The following PLA2G7 variants were observed in gnomAD, a reference collection of about 807,000 sequenced individuals.
PLA2G7 encodes platelet-activating factor acetylhydrolase.
Under a neutral mutation model 49.6 loss-of-function variants are expected in PLA2G7, and 63 were observed. The observed-to-expected ratio is 1.27, with a 90% CI of 1.04 to 1.57. The LOEUF is 1.57. Among genes scored for constraint, PLA2G7 ranks in the 40% most tolerant of loss-of-function variants. The probability of loss-of-function intolerance (pLI) is 0.00; values close to 1 mark genes in which losing one functional copy is unlikely to be tolerated. For missense variants in PLA2G7, 596 were observed against 521.2 expected (o/e 1.14, Z -1.40); for synonymous variants, 193 against 169.9 (o/e 1.14, Z -1.06).
rs541792153 is a variant in PLA2G7 at position 46,715,114 on chromosome 6, C to T, written c.377-561G>A. On this transcript the variant is annotated intron_variant, in intron 4 of 11. Transcript: ENST00000274793. ...CTGGACTTAAGGTGAGAGATTTTCC[C>T]ACTTATAGGTGTATTCATAAAGGCT... Among the ~76,000 whole-genome samples, 30 of 152,282 alleles carry T rather than the reference C, an allele frequency of 2.0e-4. No individual in the cohort carries two copies. The South Asian group carries it at 2.5e-3, about 13-fold the overall frequency.
chr6:46,707,039 T>A (rs536270892), intron 10 of PLA2G7, among the ~76,000 whole-genome samples: 14 of 152,276 alleles, frequency 9.2e-5, no homozygotes, highest in African/African-American at 2.9e-4. Context: ...AGGAAAGGGG[T>A]GAGTTCAGGT....
rs370831021 is a variant in PLA2G7, at chr6:46,714,496, G to A, written c.434C>T (p.Pro145Leu). Residue 145 changes from proline (P) to leucine (L), a missense_variant, in exon 5 of 12, where the codon CCA becomes CTA. By Grantham distance (98) the Pro-to-Leu change is moderately conservative. Coordinates refer to ENST00000274793, the MANE Select transcript of PLA2G7 (RefSeq NM_005084.4). Reference protein sequence around the residue: ...NSPLRPGEKYPLVVFSHGLGA... With the variant: ...NSPLRPGEKYLLVVFSHGLGA... ...AAGACCATGAGAAAAAACAACAAGT[G>A]GATATTTTTCACCAGGCCTCAGAGG... 133 of 1,612,580 alleles carry A rather than the reference G, an allele frequency of 8.2e-5. No homozygotes were observed. The highest frequency in any genetic ancestry group is 1.0e-4 in the Non-Finnish European group (121 of 1,178,940).
intron 5 of PLA2G7, among the ~76,000 whole-genome samples, chr6:46,713,305 G>GATAT: frequency 6.6e-6 from 1 of 152,264 alleles, no homozygotes; most frequent in South Asian, 2.1e-4. Flanking sequence ...AGGGGGGAAT[G>GATAT]ATATAGCACA....
intron 6 of PLA2G7, among the ~76,000 whole-genome samples, chr6:46,712,012 G>T (rs1208656073): frequency 1.3e-5 from 2 of 152,106 alleles, no homozygotes; most frequent in African/African-American, 2.4e-5. Flanking sequence ...TCATAGGATT[G>T]TTATGAAGAC....
rs1266672908 is a variant in PLA2G7, at chr6:46,721,756, T to C, written c.109+1027A>G. The stretch of plus-strand genomic sequence containing the variant: ...CTGTGAGATATTATTCTATTTCCTA[T>C]GCAAATGTAGATATAAGATATAAAA... On this transcript the variant is annotated intron_variant, in intron 2 of 11. Transcript: ENST00000274793. Among the ~76,000 whole-genome samples, 3 of 152,052 alleles carry C rather than the reference T, an allele frequency of 2.0e-5. No individual in the cohort carries two copies. The East Asian group carries it at 5.8e-4, about 29-fold the overall frequency.
chr6:46,708,227 C>T (rs1780177711), intron 9 of PLA2G7, 66 bp from the exon 10 acceptor site: 1 of 1,197,788 alleles, frequency 8.3e-7, no homozygotes, highest in Admixed American at 1.7e-5. Context: ...TGAGGACATC[C>T]TAATAATGCT....
At chr6:46,720,418 G>A (rs957714335) in intron 2 of PLA2G7, among the ~76,000 whole-genome samples, 2 of 152,234 alleles carry the variant, frequency 1.3e-5, no homozygotes, top group Non-Finnish European at 1.5e-5. Context: ...TCAAGGTGAG[G>A]TCTGCCTGTT....
chr6:46,726,538 C>G (rs1472120420), intron 1 of PLA2G7, among the ~76,000 whole-genome samples: 1 of 152,140 alleles, frequency 6.6e-6, no homozygotes, highest in Non-Finnish European at 1.5e-5. Context: ...TCTCTTAGAA[C>G]TAGAGAATCC....
chr6:46,707,667 C>T (rs899545476), intron 10 of PLA2G7, among the ~76,000 whole-genome samples: 1 of 152,168 alleles, frequency 6.6e-6, no homozygotes, highest in Non-Finnish European at 1.5e-5. Context: ...GAGCAGATGC[C>T]AGCATCATGC....
At chr6:46,709,603 T>C (rs1764945155) in intron 8 of PLA2G7, among the ~76,000 whole-genome samples, 185 bp from the exon 9 acceptor site, 6 of 152,202 alleles carry the variant, frequency 3.9e-5, no homozygotes, top group Admixed American at 3.9e-4. Flanking sequence ...TATATACACA[T>C]ATAAAACACA....
At chr6:46,706,665 A>G (rs1315825415) in intron 10 of PLA2G7, among the ~76,000 whole-genome samples, 1 of 152,244 alleles carries the variant, frequency 6.6e-6, no homozygotes, top group Non-Finnish European at 1.5e-5. Context: ...AAGTAAGCAC[A>G]TGCAATGACT....
At chr6:46,711,374 T>C in intron 7 of PLA2G7, 122 bp downstream of exon 7, 1 of 1,062,010 alleles carries the variant, frequency 9.4e-7, no homozygotes, top group South Asian at 1.3e-5. Context: ...ACAGATCTTT[T>C]GGGAATGGGA....
rs1765553117 is a variant in PLA2G7, at chr6:46,725,773, A to G, written c.-34-2848T>C. Among the ~76,000 whole-genome samples the G allele has an allele frequency of 2.0e-5, 3 of 152,220 alleles. No homozygotes were observed. In the South Asian group the frequency reaches 6.2e-4, roughly 32 times the overall value. On this transcript the variant is annotated intron_variant, in intron 1 of 11. Coordinates refer to ENST00000274793, the MANE Select transcript of PLA2G7 (RefSeq NM_005084.4). Reference sequence around the variant, plus strand: ...TCTTCGCAAATAATGACTTGCTAACAGATTTTTTTCCAGAGGCATTTCTAG... The same window carrying G: ...TCTTCGCAAATAATGACTTGCTAACGGATTTTTTTCCAGAGGCATTTCTAG...
chr6:46,722,740 G>T, intron 2 of PLA2G7, 43 bp downstream of exon 2: 1 of 1,180,366 alleles, frequency 8.5e-7, no homozygotes, highest in South Asian at 1.2e-5. Flanking sequence ...GAAGTATGGC[G>T]ACAGATCAGT....
chr6:46,718,550 G>A (rs1471037177), intron 2 of PLA2G7, among the ~76,000 whole-genome samples: 1 of 152,092 alleles, frequency 6.6e-6, no homozygotes, highest in Admixed American at 6.6e-5. Flanking sequence ...TTGTGCTACA[G>A]TACTCCTGAG....
chr6:46,716,351 G>A (rs200126173), intron 4 of PLA2G7, 33 bp downstream of exon 4: 18 of 1,611,434 alleles, frequency 1.1e-5, no homozygotes, highest in Non-Finnish European at 1.5e-5. Flanking sequence ...ATACATGCAA[G>A]AGCCTACAAA....
Position 46,710,545 on chromosome 6 carries a change from C to A in PLA2G7, c.777G>T (p.Lys259Asn). 1 of 1,560,316 alleles carries A rather than the reference C, an allele frequency of 6.4e-7. No homozygotes were observed. The highest frequency in any genetic ancestry group is 8.8e-7 in the Non-Finnish European group (1 of 1,131,170). The change falls in exon 8 of 12, where the codon AAG becomes AAT. Residue 259 changes from lysine to asparagine, a missense_variant and splice_region_variant. By Grantham distance (94) the Lys-to-Asn change is moderately conservative. Coordinates refer to ENST00000274793, the MANE Select transcript of PLA2G7 (RefSeq NM_005084.4). ...AGAAAAATTACTTTTTATAGCTTAC[C>A]TTCAGTTGTTCCATATCAAACTTTA... is the stretch of plus-strand genomic sequence containing the variant. ...LDLKFDMEQL[K>N]DSIDREKIAV... is the part of the protein sequence containing the mutation.
intron 1 of PLA2G7, among the ~76,000 whole-genome samples, chr6:46,726,419 C>G (rs1369341421): frequency 1.3e-5 from 2 of 152,146 alleles, no homozygotes; most frequent in Non-Finnish European, 2.9e-5. Flanking sequence ...TTAAAGTTCT[C>G]TTTACACAGA....
At chr6:46,729,051 T>A (rs1431323873) in intron 1 of PLA2G7, among the ~76,000 whole-genome samples, 2 of 152,158 alleles carry the variant, frequency 1.3e-5, no homozygotes, top group Admixed American at 6.5e-5. Flanking sequence ...GCTATTATTA[T>A]TATCCAAAGT....
Sources: gnomAD v4.1 joint callset for allele counts (sites outside exome capture counted in the v4.1 genomes callset) on GRCh38, gnomAD v4.1.1 for gene constraint, MANE v1.5 for transcripts, NCBI Gene and HGNC (gene_info 2026-07-23, HGNC 2026-07-21) for gene names.